The following MYLK variants were observed in gnomAD, a reference collection of about 807,000 sequenced individuals.
MYLK encodes myosin light chain kinase, smooth muscle.
In MYLK, 106 loss-of-function variants were observed where a neutral mutation model predicts 203.4. That is an observed-to-expected ratio of 0.52 (90% CI 0.45 to 0.61). The LOEUF (loss-of-function observed/expected upper bound fraction) is 0.61. MYLK is among the 20% of genes least tolerant of loss of function. MYLK has a pLI of 0.00. For synonymous variants in MYLK, 867 were observed against 959.5 expected (o/e 0.90, Z 1.78); for missense variants, 2,072 against 2,442.3 (o/e 0.85, Z 3.20).
chr3:123,784,376 C>CTTTTTT lies in MYLK; in HGVS notation c.165+9295_165+9300dup, dbSNP rs576849217. Among the ~76,000 whole-genome samples, 26 of 78,682 alleles carry CTTTTTT rather than the reference C, an allele frequency of 3.3e-4. 3 individuals carry two copies. The highest frequency in any genetic ancestry group is 2.7e-3 in the East Asian group (6 of 2,210). The allele number at this position is 78,682 out of a possible 152,430, so 51.6% of individuals were successfully genotyped here. ...CAAATACGGCTCATGGGTTGACTTT[C>CTTTTTT]TTTTTTTTTTTTTTTTTTTTTTTTT... On this transcript the variant is annotated intron_variant, in intron 4 of 33. Transcript: ENST00000360304.
At chr3:123,620,416 A>G (rs1350309164) in intron 31 of MYLK, 80 bp from the exon 32 acceptor site, 1 of 1,605,758 alleles carries the variant, frequency 6.2e-7, no homozygotes. Context: ...CAGGGAGTAG[A>G]GCCCAGCCCC....
chr3:123,856,766 A>AT (rs1440335494), intron 2 of MYLK, among the ~76,000 whole-genome samples: 1 of 152,036 alleles, frequency 6.6e-6, no homozygotes, highest in Non-Finnish European at 1.5e-5. Flanking sequence ...GATCTTTGGT[A>AT]TAAAAAAAAA....
chr3:123,838,878 T>G (rs1206041240), intron 2 of MYLK, among the ~76,000 whole-genome samples: 1 of 152,206 alleles, frequency 6.6e-6, no homozygotes, highest in Non-Finnish European at 1.5e-5. Context: ...GCAGATCAAC[T>G]GAGGTCAGGA....
intron 19 of MYLK, among the ~76,000 whole-genome samples, chr3:123,684,311 C>T (rs1410122974): frequency 6.6e-6 from 1 of 152,156 alleles, no homozygotes; most frequent in African/African-American, 2.4e-5. Context: ...CTCCTCGTCT[C>T]TCCTCAAGCA....
chr3:123,623,811 A>G (rs1290858920), intron 31 of MYLK: 1 of 152,200 alleles, frequency 6.6e-6, no homozygotes, highest in East Asian at 1.9e-4. Context: ...GTAACATGAA[A>G]TGGTTAGAGC....
intron 3 of MYLK, among the ~76,000 whole-genome samples, chr3:123,809,086 G>C (rs927114424): frequency 1.3e-5 from 2 of 152,190 alleles, no homozygotes; most frequent in African/African-American, 4.8e-5. Context: ...AGAACTCAGA[G>C]AGCCCCTGGC....
chr3:123,806,229 G>C (rs1219723045), intron 3 of MYLK, among the ~76,000 whole-genome samples: 4 of 152,168 alleles, frequency 2.6e-5, no homozygotes, highest in African/African-American at 9.7e-5. Flanking sequence ...GAATGTCAGC[G>C]ATGAAAGAGA....
At chr3:123,873,847 T>A (rs984391480) in intron 2 of MYLK, among the ~76,000 whole-genome samples, 3 of 152,138 alleles carry the variant, frequency 2.0e-5, no homozygotes, top group Admixed American at 2.0e-4. Context: ...CAATTGTAGT[T>A]ATAAATACTA....
At chr3:123,826,864 G>A (rs2066138124) in intron 3 of MYLK, among the ~76,000 whole-genome samples, 2 of 152,064 alleles carry the variant, frequency 1.3e-5, no homozygotes, top group Admixed American at 6.5e-5. Context: ...CATCCACCTA[G>A]AACCCAGGCA....
intron 19 of MYLK, chr3:123,692,266 A>G: frequency 9.2e-7 from 1 of 1,081,140 alleles, no homozygotes; most frequent in Non-Finnish European, 1.1e-6. Context: ...CTGTCCAGAG[A>G]CTCAGCCCCG....
At chr3:123,842,545 C>A (rs567693698) in intron 2 of MYLK, among the ~76,000 whole-genome samples, 19 of 152,260 alleles carry the variant, frequency 1.2e-4, no homozygotes, top group Middle Eastern at 3.4e-3. Context: ...TCTTTTCAAA[C>A]ACATAGAAAA....
chr3:123,616,351 AT>A (rs2057489494), intron 33 of MYLK: 1 of 152,136 alleles, frequency 6.6e-6, no homozygotes, highest in Non-Finnish European at 1.5e-5. Context: ...TGCATATAAA[AT>A]ATATATTATA....
intron 3 of MYLK, among the ~76,000 whole-genome samples, chr3:123,825,548 T>C (rs1038453508): frequency 3.3e-5 from 5 of 152,334 alleles, no homozygotes; most frequent in Admixed American, 6.5e-5. Context: ...CACAGCCACA[T>C]TGCCCTGAAT....
chr3:123,648,439 T>C lies in MYLK; in HGVS notation c.4415+532A>G, dbSNP rs2059097749. ...AATGGAAGGGGTGCCAAAGATAATC[T>C]GATCCAGTCCTCTCATTTTATTTTA... On this transcript the variant is annotated intron_variant, in intron 26 of 33. Coordinates refer to ENST00000360304, the MANE Select transcript of MYLK (RefSeq NM_053025.4). The surrounding 1 kb of genome is among the most constrained non-coding windows in gnomAD (Gnocchi z 4.5). Among the ~76,000 whole-genome samples, 1 of 152,264 alleles carries C rather than the reference T, an allele frequency of 6.6e-6. No individual in the cohort carries two copies. The highest frequency in any genetic ancestry group is 2.4e-5 in the African/African-American group (1 of 41,468).
chr3:123,654,208 G>T (rs2059319263), intron 24 of MYLK, among the ~76,000 whole-genome samples: 1 of 152,134 alleles, frequency 6.6e-6, no homozygotes, highest in African/African-American at 2.4e-5. Flanking sequence ...ACGGGTAAAG[G>T]CCGCCTGACA....
intron 13 of MYLK, among the ~76,000 whole-genome samples, chr3:123,711,459 C>T (rs2061689509): frequency 6.6e-6 from 1 of 152,198 alleles, no homozygotes; most frequent in African/African-American, 2.4e-5. Flanking sequence ...TGGCGCCTCA[C>T]TCACATTCAG....
chr3:123,725,651 C>T (rs1412914075), intron 12 of MYLK, among the ~76,000 whole-genome samples: 2 of 152,240 alleles, frequency 1.3e-5, no homozygotes, highest in Admixed American at 1.3e-4. Context: ...TCAGGCATCT[C>T]ATTAACCACT....
intron 6 of MYLK, among the ~76,000 whole-genome samples, chr3:123,739,652 G>T (rs533666644): frequency 3.3e-5 from 5 of 152,198 alleles, no homozygotes; most frequent in African/African-American, 9.7e-5. Context: ...ACTGTTACCC[G>T]CCTCTTCTAG....
intron 2 of MYLK, among the ~76,000 whole-genome samples, chr3:123,839,834 A>G (rs1447876676): frequency 1.3e-5 from 2 of 152,304 alleles, no homozygotes; most frequent in African/African-American, 4.8e-5. Flanking sequence ...AAGAAGTGAG[A>G]CCACATAGAA....
Sources: gnomAD v4.1 joint callset for allele counts (sites outside exome capture counted in the v4.1 genomes callset) on GRCh38, gnomAD v4.1.1 for gene constraint, Gnocchi (gnomAD v3.1) non-coding constraint, MANE v1.5 for transcripts, NCBI Gene and HGNC (gene_info 2026-07-23, HGNC 2026-07-21) for gene names.